PDZD2: variants seen among roughly 807,000 people sequenced by gnomAD.
PDZD2 encodes PDZ domain containing 2, also known as PDZ domain-containing protein 2.
Under a neutral mutation model 220.7 loss-of-function variants are expected in PDZD2, and 90 were observed. That is an observed-to-expected ratio of 0.41 (90% confidence interval 0.34 to 0.49). PDZD2 has a LOEUF of 0.49. Among genes scored for constraint, PDZD2 ranks in the 20% least tolerant of loss-of-function variants. The probability of loss-of-function intolerance (pLI) is 0.28; values close to 1 mark genes in which losing one functional copy is unlikely to be tolerated. For synonymous variants in PDZD2, 1,375 were observed against 1,450.5 expected (o/e 0.95, Z 1.18); for missense variants, 3,174 against 3,608.5 (o/e 0.88, Z 3.08).
intron 19 of PDZD2, among the ~76,000 whole-genome samples, chr5:32,085,101 C>T (rs1017791030): frequency 6.6e-6 from 1 of 151,152 alleles, no homozygotes; most frequent in African/African-American, 2.4e-5. Context: ...ATTACAGGTG[C>T]ATGCCACCAT....
intron 2 of PDZD2, among the ~76,000 whole-genome samples, chr5:31,829,969 A>G (rs1401635010): frequency 6.6e-6 from 1 of 151,946 alleles, no homozygotes; most frequent in African/African-American, 2.4e-5. Flanking sequence ...GGTCGCTTGA[A>G]CCTAGGAGTC....
At chr5:31,884,547 G>A (rs990819628) in intron 2 of PDZD2, among the ~76,000 whole-genome samples, 1 of 152,120 alleles carries the variant, frequency 6.6e-6, no homozygotes, top group Non-Finnish European at 1.5e-5. Flanking sequence ...CTGCACTCCA[G>A]AAAGGATTCT....
chr5:31,940,164 G>A (rs779746285), intron 2 of PDZD2, among the ~76,000 whole-genome samples: 1 of 152,184 alleles, frequency 6.6e-6, no homozygotes, highest in Non-Finnish European at 1.5e-5. Flanking sequence ...TGGAGATCCC[G>A]ACTGGAGCCC....
chr5:31,939,288 G>A (rs1746022362), intron 2 of PDZD2, among the ~76,000 whole-genome samples: 1 of 152,284 alleles, frequency 6.6e-6, no homozygotes, highest in South Asian at 2.1e-4. Flanking sequence ...TGCTGTTCCT[G>A]TATGCACTGG....
chr5:31,666,503 C>T lies in PDZD2; in HGVS notation c.-361+27066C>T, dbSNP rs1296295557. Among the ~76,000 whole-genome samples, 6 of 152,342 alleles carry T rather than the reference C, an allele frequency of 3.9e-5. No homozygotes were observed. The South Asian group carries it at 1.2e-3, about 32-fold the overall frequency. ...CATACATGCAAGGGGCTTGCTGATCCTGCATTTACAAGGCGATGGTTGCTT... is the reference window on the plus strand; with the variant it reads ...CATACATGCAAGGGGCTTGCTGATCTTGCATTTACAAGGCGATGGTTGCTT... On this transcript the variant is annotated intron_variant, in intron 1 of 24. Coordinates refer to ENST00000438447, the MANE Select transcript of PDZD2 (RefSeq NM_178140.4).
intron 2 of PDZD2, among the ~76,000 whole-genome samples, chr5:31,889,892 A>G (rs1740852949): frequency 6.6e-6 from 1 of 151,976 alleles, no homozygotes; most frequent in Admixed American, 6.6e-5. Context: ...GTGGTAGTGC[A>G]CACCTTGTAA....
intron 6 of PDZD2, among the ~76,000 whole-genome samples, chr5:32,026,418 G>A (rs914993230): frequency 1.3e-5 from 2 of 152,188 alleles, no homozygotes; most frequent in African/African-American, 2.4e-5. Context: ...GATGACAGGC[G>A]TGAGCAACTG....
At chr5:31,780,429 G>A (rs1237543243) in intron 1 of PDZD2, among the ~76,000 whole-genome samples, 1 of 152,196 alleles carries the variant, frequency 6.6e-6, no homozygotes, top group East Asian at 1.9e-4. Flanking sequence ...GGTTTTGCCA[G>A]AAGGAGGAGT....
At chr5:31,920,549 G>A (rs951864393) in intron 2 of PDZD2, among the ~76,000 whole-genome samples, 2 of 150,394 alleles carry the variant, frequency 1.3e-5, no homozygotes, top group Non-Finnish European at 3.0e-5. Flanking sequence ...GCTTACACCT[G>A]TAATCTGGGC....
At chr5:31,884,569 C>T (rs114138648) in intron 2 of PDZD2, among the ~76,000 whole-genome samples, 6,060 of 152,052 alleles carry the variant, frequency 0.04, 380 homozygotes, top group African/African-American at 0.14. Flanking sequence ...CTGTTGACAA[C>T]AATTTGGACG....
At chr5:31,966,754 G>A (rs75062310) in intron 2 of PDZD2, among the ~76,000 whole-genome samples, 3 of 152,282 alleles carry the variant, frequency 2.0e-5, no homozygotes, top group Admixed American at 6.5e-5. Flanking sequence ...GAAAATATCC[G>A]ACTAACTTGG....
chr5:31,873,770 G>T (rs1739053433), intron 2 of PDZD2, among the ~76,000 whole-genome samples: 1 of 150,114 alleles, frequency 6.7e-6, no homozygotes, highest in Non-Finnish European at 1.5e-5. Flanking sequence ...CGCTCTTGTT[G>T]CCCAGGCTGG....
At chr5:31,746,745 C>G (rs1750626445) in intron 1 of PDZD2, among the ~76,000 whole-genome samples, 1 of 136,126 alleles carries the variant, frequency 7.3e-6, no homozygotes, top group South Asian at 2.3e-4. Context: ...TGCACTCTTT[C>G]CAGGGAACCC....
At chr5:31,994,114 T>A (rs1054217226) in intron 3 of PDZD2, among the ~76,000 whole-genome samples, 2 of 151,906 alleles carry the variant, frequency 1.3e-5, no homozygotes, top group Non-Finnish European at 2.9e-5. Context: ...ACCTTCTGGG[T>A]TCAAGCGATT....
At chr5:31,958,694 C>T (rs1272579507) in intron 2 of PDZD2, among the ~76,000 whole-genome samples, 1 of 152,122 alleles carries the variant, frequency 6.6e-6, no homozygotes, top group Non-Finnish European at 1.5e-5. Context: ...AATCACAGCT[C>T]ACTGCAGCCT....
At chr5:31,688,791 C>T (rs1746973114) in intron 1 of PDZD2, among the ~76,000 whole-genome samples, 1 of 152,166 alleles carries the variant, frequency 6.6e-6, no homozygotes, top group Non-Finnish European at 1.5e-5. Context: ...TTAATATTTG[C>T]TCTGCTTGAG....
intron 1 of PDZD2, among the ~76,000 whole-genome samples, chr5:31,757,066 G>A (rs994686804): frequency 2.0e-5 from 3 of 152,138 alleles, no homozygotes; most frequent in East Asian, 3.9e-4. Flanking sequence ...GGAGGATCAC[G>A]TGAGGCCAGG....
intron 3 of PDZD2, among the ~76,000 whole-genome samples, chr5:31,985,130 G>A (rs1390125517): frequency 4.2e-5 from 6 of 144,234 alleles, no homozygotes; most frequent in Non-Finnish European, 9.2e-5. Flanking sequence ...AAAAAAAAAA[G>A]ATTATAATAT....
intron 2 of PDZD2, among the ~76,000 whole-genome samples, chr5:31,806,542 G>A (rs1337120715): frequency 6.6e-6 from 1 of 152,150 alleles, no homozygotes; most frequent in African/African-American, 2.4e-5. Flanking sequence ...TCTGGGAAGG[G>A]GAGTATTCAT....
Sources: gnomAD v4.1 joint callset for allele counts (sites outside exome capture counted in the v4.1 genomes callset) on GRCh38, gnomAD v4.1.1 for gene constraint, MANE v1.5 for transcripts, NCBI Gene and HGNC (gene_info 2026-07-23, HGNC 2026-07-21) for gene names.